SPATA31H1: variants seen among roughly 807,000 people sequenced by gnomAD.
SPATA31H1 encodes SPATA31 subfamily H member 1.
the SPATA31H1 span, chr2:27,571,658 A>T: frequency 0.012 from 4,711 of 398,518 alleles, 38 homozygotes; most frequent in Non-Finnish European, 0.015. Context: ...GGCCTCAGCT[A>T]CAAAGTGTGA....
At chr2:27,576,176 A>C in the SPATA31H1 span, 1 of 406,202 alleles carries the variant, frequency 2.5e-6, no homozygotes, top group South Asian at 1.1e-4. Flanking sequence ...AATCAGGGAC[A>C]AAATTTCAAG....
At chr2:27,563,476 G>T in the SPATA31H1 span, among the ~76,000 whole-genome samples, 1 of 127,904 alleles carries the variant, frequency 7.8e-6, no homozygotes, top group African/African-American at 3.0e-5. Flanking sequence ...TCTCACTGCA[G>T]CCTTGACCTC....
At chr2:27,579,496 T>C in the SPATA31H1 span, 1 of 1,614,226 alleles carries the variant, frequency 6.2e-7, no homozygotes, top group Non-Finnish European at 8.5e-7. Context: ...AGAATGGCCT[T>C]AAGGATATGG....
At chr2:27,540,017 T>C in the SPATA31H1 span, among the ~76,000 whole-genome samples, 957 of 87,894 alleles carry the variant, frequency 0.011, no homozygotes, top group East Asian at 0.02. Context: ...GGCGGGGGGC[T>C]GACCCCCCCA....
At chr2:27,566,540 C>G in the SPATA31H1 span, among the ~76,000 whole-genome samples, 1 of 151,744 alleles carries the variant, frequency 6.6e-6, no homozygotes, top group African/African-American at 2.4e-5. Flanking sequence ...AGGATCATTT[C>G]TGGGTGGAAT....
chr2:27,568,746 G>A, the SPATA31H1 span: 4 of 399,016 alleles, frequency 1.0e-5, no homozygotes, highest in Non-Finnish European at 1.8e-5. Context: ...ACTATTGCTT[G>A]AAGATGTGAA....
chr2:27,578,491 T>C, the SPATA31H1 span: 1 of 1,614,128 alleles, frequency 6.2e-7, no homozygotes. Context: ...AGGCCACATC[T>C]TCAAGAACTG....
chr2:27,570,951 C>T, the SPATA31H1 span: 5 of 398,704 alleles, frequency 1.3e-5, no homozygotes, highest in Non-Finnish European at 1.8e-5. Flanking sequence ...GACCAGACAA[C>T]CACAGTTACA....
At chr2:27,572,961 A>G in the SPATA31H1 span, 6 of 397,934 alleles carry the variant, frequency 1.5e-5, no homozygotes, top group Admixed American at 8.8e-5. Context: ...TCAAGGTGTG[A>G]AAACTGTAGA....
the SPATA31H1 span, among the ~76,000 whole-genome samples, chr2:27,556,644 A>C: frequency 3.3e-5 from 5 of 149,780 alleles, no homozygotes; most frequent in South Asian, 1.1e-3. Flanking sequence ...TTCTTGGCCA[A>C]AATTCTCCAT....
chr2:27,578,852 A>G, the SPATA31H1 span: 1 of 1,614,064 alleles, frequency 6.2e-7, no homozygotes, highest in Non-Finnish European at 8.5e-7. Flanking sequence ...GGATACAGGA[A>G]GTATCCAGAG....
At chr2:27,549,006 G>A in the SPATA31H1 span, among the ~76,000 whole-genome samples, 28 of 149,532 alleles carry the variant, frequency 1.9e-4, no homozygotes, top group South Asian at 4.6e-3. Flanking sequence ...CCCAGGAGGC[G>A]GAAGTTGCAT....
chr2:27,552,034 T>A, the SPATA31H1 span, among the ~76,000 whole-genome samples: 1 of 151,936 alleles, frequency 6.6e-6, no homozygotes, highest in African/African-American at 2.4e-5. Context: ...CAGGATGGTT[T>A]TGATCTCTTG....
At chr2:27,580,603 C>T in the SPATA31H1 span, 38 of 1,614,072 alleles carry the variant, frequency 2.4e-5, no homozygotes, top group Non-Finnish European at 3.2e-5. Flanking sequence ...CCTAAGAAAC[C>T]TTCCCAACCC....
At chr2:27,559,211 A>G in the SPATA31H1 span, among the ~76,000 whole-genome samples, 2 of 152,186 alleles carry the variant, frequency 1.3e-5, no homozygotes, top group East Asian at 1.9e-4. Flanking sequence ...AGTCATTTAG[A>G]TGAGGGATCA....
the SPATA31H1 span, chr2:27,577,012 CA>C: frequency 6.2e-7 from 1 of 1,614,096 alleles, no homozygotes; most frequent in Non-Finnish European, 8.5e-7. The surrounding 1 kb of genome is among the most constrained non-coding windows in gnomAD (Gnocchi z 4.5). Context: ...CCTAAATCTG[CA>C]AATTTGATTT....
At chr2:27,551,926 C>T in the SPATA31H1 span, among the ~76,000 whole-genome samples, 1 of 151,920 alleles carries the variant, frequency 6.6e-6, no homozygotes, top group Non-Finnish European at 1.5e-5. Flanking sequence ...AGCAATTCTC[C>T]TTCCTCAGCC....
At chr2:27,549,026 T>A in the SPATA31H1 span, among the ~76,000 whole-genome samples, 1 of 127,826 alleles carries the variant, frequency 7.8e-6, no homozygotes, top group South Asian at 2.5e-4. Context: ...TGAGCTGAGA[T>A]CACGCCACTG....
chr2:27,574,263 T>C, the SPATA31H1 span: 1 of 398,552 alleles, frequency 2.5e-6, no homozygotes, highest in East Asian at 3.6e-5. Flanking sequence ...AGACATTAAA[T>C]CTATGGATTT....
Sources: gnomAD v4.1 joint callset for allele counts (sites outside exome capture counted in the v4.1 genomes callset) on GRCh38, gnomAD v4.1.1 for gene constraint, Gnocchi (gnomAD v3.1) non-coding constraint, MANE v1.5 for transcripts, NCBI Gene and HGNC (gene_info 2026-07-23, HGNC 2026-07-21) for gene names.